Variants in SHC3 observed in about 807,000 individuals in gnomAD.
The protein encoded by SHC3 is SHC-transforming protein 3.
In SHC3, 15 loss-of-function variants were observed where a neutral mutation model predicts 60.4. The observed-to-expected ratio is 0.25, with a 90% CI of 0.17 to 0.38. SHC3 has a LOEUF of 0.38. SHC3 is among the 10% of genes least tolerant of loss of function. The pLI is 1.00. For missense variants in SHC3, 677 were observed against 786.1 expected (o/e 0.86, Z 1.66); for synonymous variants, 294 against 325.9 (o/e 0.90, Z 1.05).
intron 2 of SHC3, among the ~76,000 whole-genome samples, chr9:89,091,517 G>C (rs893287312): frequency 1.3e-5 from 2 of 152,202 alleles, no homozygotes; most frequent in Admixed American, 6.5e-5. Context: ...AGATTAGTTT[G>C]ATCTACAGTG....
At chr9:89,123,130 T>C (rs74600764) in intron 1 of SHC3, among the ~76,000 whole-genome samples, 2,079 of 152,350 alleles carry the variant, frequency 0.014, 20 homozygotes, top group Middle Eastern at 0.037. Flanking sequence ...ATGCAATTTT[T>C]GCTCTCCACC....
rs1384003008 is a variant in SHC3, at chr9:89,013,315, A to G, written c.*132T>C. The G allele has an allele frequency of 8.5e-7, 1 of 1,171,550 alleles. No individual in the cohort carries two copies. The highest frequency in any genetic ancestry group is 1.1e-6 in the Non-Finnish European group (1 of 888,006). The allele number at this position is 1,171,550 out of a possible 1,614,324, so 72.6% of individuals were successfully genotyped here. A position where few individuals can be genotyped will look rare whatever the true frequency, so the allele number is the denominator to read the frequency against. On this transcript the variant is annotated 3_prime_UTR_variant, in exon 12 of 12. Coordinates refer to ENST00000375835, the MANE Select transcript of SHC3 (RefSeq NM_016848.6). ...AGTTTATGAAACTTGACCTTAAAGG[A>G]AGCCTTCCTTTTGAAGCTTTTGAAG... is the stretch of plus-strand genomic sequence containing the variant.
rs868525357 is a variant in SHC3 at position 89,037,912 on chromosome 9, G to A, written c.1656+81C>T. 2.0e-6 allele frequency: 3 copies of A among 1,517,946 alleles called. No homozygotes were observed. The East Asian group carries it at 6.8e-5, about 34-fold the overall frequency. The allele number at this position is 1,517,946 out of a possible 1,614,324, so 94.0% of individuals were successfully genotyped here. A position where few individuals can be genotyped will look rare whatever the true frequency, so the allele number is the denominator to read the frequency against. ...TTGTGGATAGAGGTGGGAATGTGGAGGGCATTTGACAAAGTGGAGACTGTT... is the reference window on the plus strand; with the variant it reads ...TTGTGGATAGAGGTGGGAATGTGGAAGGCATTTGACAAAGTGGAGACTGTT... On this transcript the variant is annotated intron_variant, in intron 11 of 11. Coordinates refer to ENST00000375835, the MANE Select transcript of SHC3 (RefSeq NM_016848.6).
intron 1 of SHC3, among the ~76,000 whole-genome samples, chr9:89,136,868 A>C (rs1211201633): frequency 6.6e-6 from 1 of 152,110 alleles, no homozygotes; most frequent in Non-Finnish European, 1.5e-5. Context: ...ATAAAGAACT[A>C]CCTGAGGCTG....
chr9:89,031,908 G>T (rs551321897), intron 11 of SHC3, among the ~76,000 whole-genome samples: 2 of 152,278 alleles, frequency 1.3e-5, no homozygotes, highest in South Asian at 2.1e-4. Context: ...AGTGAGGCTG[G>T]GACTCATGGA....
intron 1 of SHC3, among the ~76,000 whole-genome samples, chr9:89,113,969 G>A (rs756276551): frequency 2.6e-5 from 4 of 152,130 alleles, no homozygotes; most frequent in Non-Finnish European, 4.4e-5. Flanking sequence ...ATGTCACAGA[G>A]TTATGTGAAT....
intron 6 of SHC3, among the ~76,000 whole-genome samples, chr9:89,059,305 C>CGGTGGTGGAGGACGTTGTGGAGGAT (rs1410990801): frequency 1.1e-5 from 1 of 93,134 alleles, no homozygotes. Context: ...TGGTGGAGGA[C>CGGTGGTGGAGGACGTTGTGGAGGAT]GGTGGTGGAG....
chr9:89,039,013 C>G (rs1394803286), intron 10 of SHC3, among the ~76,000 whole-genome samples: 1 of 152,214 alleles, frequency 6.6e-6, no homozygotes, highest in African/African-American at 2.4e-5. Context: ...ATACCAGCAG[C>G]AAAAGAAGTA....
In SHC3 at chr9:89,141,295, G is replaced by A. The variant is rs1272699162; in HGVS notation, c.475-28669C>T. Among the ~76,000 whole-genome samples the A allele has an allele frequency of 2.6e-5, 4 of 152,240 alleles. No individual in the cohort carries two copies. In the East Asian group the frequency reaches 7.7e-4, roughly 29 times the overall value. On this transcript the variant is annotated intron_variant, in intron 1 of 11. Coordinates refer to ENST00000375835, the MANE Select transcript of SHC3 (RefSeq NM_016848.6). The stretch of plus-strand genomic sequence containing the variant: ...CTGGGCTGTCTTGAACAGCGAGCTT[G>A]TGGAGTCCCAGGGCTGTGTTCTATC...
Position 89,071,006 on chromosome 9 carries a change from G to A in SHC3, c.783+193C>T, listed in dbSNP as rs1443360562. The stretch of plus-strand genomic sequence containing the variant: ...GCTAATGAAATGAAAACTAATGGTG[G>A]GGTCCTTGTCACAGCTTACCCCTAA... On this transcript the variant is annotated intron_variant, in intron 5 of 11. Transcript: ENST00000375835. 5.9e-5 allele frequency among the ~76,000 whole-genome samples: 9 copies of A among 152,152 alleles called. No homozygotes were observed. In the East Asian group the frequency reaches 1.5e-3, roughly 26 times the overall value.
At chr9:89,024,778 A>G (rs1025212917) in intron 11 of SHC3, among the ~76,000 whole-genome samples, 1 of 152,238 alleles carries the variant, frequency 6.6e-6, no homozygotes, top group African/African-American at 2.4e-5. Context: ...CAGGGAATGG[A>G]CATCAGCAGA....
intron 11 of SHC3, among the ~76,000 whole-genome samples, chr9:89,021,524 T>C (rs1214705459): frequency 1.3e-5 from 2 of 152,136 alleles, no homozygotes; most frequent in South Asian, 2.1e-4. Flanking sequence ...ACCTGAAACC[T>C]GTGTAAAAAC....
At chr9:89,082,789 C>T (rs1045408165) in intron 2 of SHC3, among the ~76,000 whole-genome samples, 3 of 152,182 alleles carry the variant, frequency 2.0e-5, no homozygotes, top group Non-Finnish European at 2.9e-5. Context: ...GGTTGCCTCC[C>T]GCCCTCCTGT....
chr9:89,157,794 A>T (rs76321758), intron 1 of SHC3, among the ~76,000 whole-genome samples: 3,386 of 151,742 alleles, frequency 0.022, 59 homozygotes, highest in Non-Finnish European at 0.035. Flanking sequence ...TTTAAAAAAA[A>T]TTTTTTTTGC....
intron 5 of SHC3, among the ~76,000 whole-genome samples, chr9:89,068,834 A>G (rs1825224435): frequency 6.6e-6 from 1 of 152,204 alleles, no homozygotes. Flanking sequence ...GTTTAAGAAG[A>G]GCTCTTGAAG....
intron 5 of SHC3, among the ~76,000 whole-genome samples, chr9:89,068,974 T>C (rs1444378514): frequency 2.0e-5 from 3 of 152,134 alleles, no homozygotes; most frequent in African/African-American, 7.2e-5. Flanking sequence ...GCAAATTAGG[T>C]AGCAAATAGG....
intron 4 of SHC3, among the ~76,000 whole-genome samples, chr9:89,073,908 G>A (rs1825313616): frequency 6.6e-6 from 1 of 152,222 alleles, no homozygotes; most frequent in Non-Finnish European, 1.5e-5. Flanking sequence ...CTTGGACCAT[G>A]CCAGAGAAAG....
intron 1 of SHC3, among the ~76,000 whole-genome samples, chr9:89,164,668 T>C (rs1357971187): frequency 6.6e-6 from 1 of 151,966 alleles, no homozygotes; most frequent in Non-Finnish European, 1.5e-5. Flanking sequence ...TTCACCACAT[T>C]TACAGAAAAA....
intron 7 of SHC3, among the ~76,000 whole-genome samples, chr9:89,050,051 A>C (rs1431805805): frequency 6.6e-6 from 1 of 152,216 alleles, no homozygotes; most frequent in African/African-American, 2.4e-5. Flanking sequence ...AAATTTGTCA[A>C]ACTTACGTTG....
Sources: allele counts gnomAD v4.1 joint callset (sites outside exome capture counted in the v4.1 genomes callset), GRCh38; gene constraint gnomAD v4.1.1; transcripts MANE v1.5; gene names NCBI Gene and HGNC (gene_info 2026-07-23, HGNC 2026-07-21).